The following ERBB4 variants were observed in gnomAD, a reference collection of about 807,000 sequenced individuals.
ERBB4 encodes erb-b2 receptor tyrosine kinase 4.
ERBB4 carries 42 observed loss-of-function variants against 158.0 expected under a neutral mutation model. That is an observed-to-expected ratio of 0.27 (90% CI 0.21 to 0.34). ERBB4 has a LOEUF of 0.34. ERBB4 is among the 10% of genes least tolerant of loss of function. The pLI, the probability that ERBB4 is intolerant of heterozygous loss-of-function variation, is 1.00. For missense variants in ERBB4, 1,333 were observed against 1,624.1 expected (o/e 0.82, Z 3.08); for synonymous variants, 583 against 558.7 (o/e 1.04, Z -0.61).
chr2:212,509,844 A>G (rs924959738), intron 1 of ERBB4, among the ~76,000 whole-genome samples: 1 of 151,908 alleles, frequency 6.6e-6, no homozygotes, highest in Non-Finnish European at 1.5e-5. Context: ...TTAAGTTATG[A>G]TATGAGTTTC....
chr2:211,581,005 G>T (rs1200105377), intron 19 of ERBB4, among the ~76,000 whole-genome samples: 1 of 149,586 alleles, frequency 6.7e-6, no homozygotes, highest in Non-Finnish European at 1.5e-5. Flanking sequence ...TCTAAGTGAG[G>T]TAACTCAGGA....
At chr2:211,452,064 C>T (rs544115586) in intron 20 of ERBB4, among the ~76,000 whole-genome samples, 3 of 152,286 alleles carry the variant, frequency 2.0e-5, no homozygotes, top group Non-Finnish European at 4.4e-5. Context: ...CAAGAAATAG[C>T]TTTCCTCCTA....
chr2:211,845,411 T>A (rs2077565109), intron 3 of ERBB4, among the ~76,000 whole-genome samples: 1 of 152,174 alleles, frequency 6.6e-6, no homozygotes, highest in African/African-American at 2.4e-5. Flanking sequence ...TATAGAGGAC[T>A]GGCTGAGTAT....
rs112036264 is a variant in ERBB4 at position 212,083,643 on chromosome 2, C to G, written c.234+41109G>C. Among the ~76,000 whole-genome samples the G allele has an allele frequency of 4.0e-4, 61 of 150,970 alleles. 1 individual carries two copies. Among genetic ancestry groups the G allele is most frequent in the Non-Finnish European group, 5.6e-4 (38 of 67,560 alleles). ...TGGATTTATTACCACCCCTCCCCCC[C>G]AAAAAAAACAATGCCAGACAAACCT... On this transcript the variant is annotated intron_variant, in intron 2 of 27. Transcript: ENST00000342788.
chr2:212,522,195 T>C (rs1187954898), intron 1 of ERBB4, among the ~76,000 whole-genome samples: 1 of 152,030 alleles, frequency 6.6e-6, no homozygotes, highest in Non-Finnish European at 1.5e-5. Context: ...ATTTGCAAGT[T>C]ATTTAATTTC....
At chr2:212,422,067 T>C (rs1047273386) in intron 1 of ERBB4, among the ~76,000 whole-genome samples, 1 of 152,182 alleles carries the variant, frequency 6.6e-6, no homozygotes, top group Non-Finnish European at 1.5e-5. Flanking sequence ...ACAGTGATAA[T>C]TCACCATTGA....
At chr2:211,458,326 G>T (rs939941830) in intron 20 of ERBB4, among the ~76,000 whole-genome samples, 1 of 151,862 alleles carries the variant, frequency 6.6e-6, no homozygotes, top group African/African-American at 2.4e-5. Context: ...GAGTGCAGTG[G>T]TGTGATCTCA....
At chr2:212,253,853 T>A (rs973278574) in intron 1 of ERBB4, among the ~76,000 whole-genome samples, 6 of 152,178 alleles carry the variant, frequency 3.9e-5, no homozygotes, top group African/African-American at 1.4e-4. Flanking sequence ...CAAGTCCACA[T>A]GGTGTAGCCT....
intron 1 of ERBB4, among the ~76,000 whole-genome samples, chr2:212,343,153 C>T (rs943428453): frequency 6.6e-6 from 1 of 152,142 alleles, no homozygotes; most frequent in African/African-American, 2.4e-5. Context: ...GCCTTTGGAA[C>T]ATCATTCAAC....
intron 19 of ERBB4, among the ~76,000 whole-genome samples, chr2:211,591,147 G>T (rs1559328923): frequency 6.6e-6 from 1 of 152,124 alleles, no homozygotes; most frequent in Admixed American, 6.5e-5. Flanking sequence ...ACATATAACT[G>T]CAACCCTGGG....
chr2:211,951,314 T>C (rs1486290617), intron 2 of ERBB4, among the ~76,000 whole-genome samples: 2 of 152,130 alleles, frequency 1.3e-5, no homozygotes, highest in Non-Finnish European at 1.5e-5. Context: ...GTAACATTAA[T>C]AGTAATTTTT....
chr2:211,482,796 G>A (rs944676460), intron 20 of ERBB4, among the ~76,000 whole-genome samples: 2 of 151,914 alleles, frequency 1.3e-5, no homozygotes, highest in Non-Finnish European at 2.9e-5. Context: ...TCCCAGCTAC[G>A]CGGGAGGCTG....
At chr2:212,068,243 A>C (rs1157425866) in intron 2 of ERBB4, among the ~76,000 whole-genome samples, 2 of 152,040 alleles carry the variant, frequency 1.3e-5, no homozygotes, top group Non-Finnish European at 2.9e-5. Flanking sequence ...CACAGGTGAT[A>C]ATGAGTAGGA....
intron 3 of ERBB4, among the ~76,000 whole-genome samples, chr2:211,870,515 A>G (rs190227237): frequency 6.6e-6 from 1 of 152,248 alleles, no homozygotes; most frequent in Non-Finnish European, 1.5e-5. Context: ...GATTATTATA[A>G]GATATCATGC....
chr2:212,397,641 A>T (rs939383766), intron 1 of ERBB4, among the ~76,000 whole-genome samples: 1 of 152,212 alleles, frequency 6.6e-6, no homozygotes, highest in South Asian at 2.1e-4. Flanking sequence ...ATGATTTTTA[A>T]ATTCTGCCAA....
At chr2:211,784,534 A>G (rs1438462120) in intron 4 of ERBB4, among the ~76,000 whole-genome samples, 2 of 152,156 alleles carry the variant, frequency 1.3e-5, no homozygotes, top group East Asian at 3.9e-4. Context: ...TCCACCTCTC[A>G]GTTATTATGA....
chr2:212,252,479 A>G (rs13391128), intron 1 of ERBB4, among the ~76,000 whole-genome samples: 25,417 of 151,996 alleles, frequency 0.17, 2,761 homozygotes, highest in African/African-American at 0.32. Flanking sequence ...GTCATTTTGG[A>G]CTTTGGTAAG....
intron 20 of ERBB4, among the ~76,000 whole-genome samples, chr2:211,510,837 G>A (rs2065868045): frequency 6.6e-6 from 1 of 151,870 alleles, no homozygotes; most frequent in African/African-American, 2.4e-5. Flanking sequence ...GAAAGAATAT[G>A]ACAATCTCAT....
intron 1 of ERBB4, among the ~76,000 whole-genome samples, chr2:212,152,044 A>G (rs1243198410): frequency 6.6e-6 from 1 of 152,210 alleles, no homozygotes; most frequent in Non-Finnish European, 1.5e-5. Context: ...ATTTTGTAGC[A>G]TAAGTTTTAC....
Sources: gnomAD v4.1 joint callset for allele counts (sites outside exome capture counted in the v4.1 genomes callset) on GRCh38, gnomAD v4.1.1 for gene constraint, MANE v1.5 for transcripts, NCBI Gene and HGNC (gene_info 2026-07-23, HGNC 2026-07-21) for gene names.